The following LOC128125817 variants were observed in gnomAD, a reference collection of about 807,000 sequenced individuals.
At chr1:41,595,620 T>G in the LOC128125817 span, among the ~76,000 whole-genome samples, 399 of 152,316 alleles carry the variant, frequency 2.6e-3, 7 homozygotes, top group South Asian at 0.044. Context: ...TCAACTTGAT[T>G]GGATTGAAGG....
At chr1:41,625,056 G>A in the LOC128125817 span, among the ~76,000 whole-genome samples, 1 of 149,376 alleles carries the variant, frequency 6.7e-6, no homozygotes. Context: ...CCAGCTATTT[G>A]GGAGGCTGAG....
the LOC128125817 span, among the ~76,000 whole-genome samples, chr1:41,609,568 CT>C: frequency 6.6e-6 from 1 of 152,262 alleles, no homozygotes; most frequent in Non-Finnish European, 1.5e-5. Flanking sequence ...CCACCCCATC[CT>C]CTAAGGTTGC....
chr1:41,609,763 C>T, the LOC128125817 span, among the ~76,000 whole-genome samples: 1 of 152,258 alleles, frequency 6.6e-6, no homozygotes, highest in Non-Finnish European at 1.5e-5. Context: ...CTGAAATGCC[C>T]TTTCCCTCCT....
chr1:41,623,346 C>T, the LOC128125817 span, among the ~76,000 whole-genome samples: 1 of 152,236 alleles, frequency 6.6e-6, no homozygotes, highest in African/African-American at 2.4e-5. Context: ...TCTCCCCACA[C>T]AGTGGCTCTG....
At chr1:41,622,076 C>A in the LOC128125817 span, among the ~76,000 whole-genome samples, 1 of 152,220 alleles carries the variant, frequency 6.6e-6, no homozygotes, top group Non-Finnish European at 1.5e-5. Context: ...GGCCAACCAT[C>A]CATCTTGCAG....
At chr1:41,596,296 G>T in the LOC128125817 span, among the ~76,000 whole-genome samples, 2 of 152,238 alleles carry the variant, frequency 1.3e-5, no homozygotes, top group Non-Finnish European at 2.9e-5. Context: ...GCTGCTGCTG[G>T]GCTGGGCCAT....
chr1:41,612,818 C>G, the LOC128125817 span, among the ~76,000 whole-genome samples: 27 of 152,264 alleles, frequency 1.8e-4, no homozygotes, highest in Admixed American at 1.6e-3. Context: ...GTGCCAGCCC[C>G]TGTCCCCTCC....
the LOC128125817 span, among the ~76,000 whole-genome samples, chr1:41,586,292 C>G: frequency 7.2e-5 from 11 of 152,200 alleles, no homozygotes; most frequent in Non-Finnish European, 1.5e-4. Flanking sequence ...GCCCTCCTCC[C>G]CAGGAACAGG....
the LOC128125817 span, among the ~76,000 whole-genome samples, chr1:41,592,963 C>CT: frequency 6.6e-6 from 1 of 152,206 alleles, no homozygotes; most frequent in Non-Finnish European, 1.5e-5. Context: ...CTCTCTTGGG[C>CT]TGTCACCACC....
At chr1:41,620,189 T>G in the LOC128125817 span, among the ~76,000 whole-genome samples, 1 of 152,296 alleles carries the variant, frequency 6.6e-6, no homozygotes, top group Non-Finnish European at 1.5e-5. Context: ...GCAGGGCTTG[T>G]CCTGACAGGT....
At chr1:41,596,008 A>AG in the LOC128125817 span, among the ~76,000 whole-genome samples, 3 of 152,014 alleles carry the variant, frequency 2.0e-5, 1 homozygote, top group Middle Eastern at 0.01. Context: ...GACTAATACA[A>AG]GGTTCAATGT....
the LOC128125817 span, among the ~76,000 whole-genome samples, chr1:41,607,781 A>G: frequency 2.6e-5 from 4 of 152,212 alleles, no homozygotes; most frequent in African/African-American, 9.6e-5. Flanking sequence ...CTTAGACGAG[A>G]CAGTTTATTT....
At chr1:41,610,911 C>T in the LOC128125817 span, among the ~76,000 whole-genome samples, 1 of 152,176 alleles carries the variant, frequency 6.6e-6, no homozygotes, top group African/African-American at 2.4e-5. Flanking sequence ...CCCCCAAGCT[C>T]CCACTCTGTG....
the LOC128125817 span, among the ~76,000 whole-genome samples, chr1:41,618,536 G>A: frequency 1.3e-5 from 2 of 152,092 alleles, no homozygotes; most frequent in Non-Finnish European, 2.9e-5. Context: ...CCATCCTCGG[G>A]CACCACTCAT....
chr1:41,614,661 A>C, the LOC128125817 span, among the ~76,000 whole-genome samples: 1 of 152,236 alleles, frequency 6.6e-6, no homozygotes, highest in Non-Finnish European at 1.5e-5. Context: ...CACAAATTTA[A>C]AATGAAAAAT....
At chr1:41,610,111 G>T in the LOC128125817 span, among the ~76,000 whole-genome samples, 1 of 152,050 alleles carries the variant, frequency 6.6e-6, no homozygotes, top group Non-Finnish European at 1.5e-5. Flanking sequence ...GCAGATTTTG[G>T]ACTTGAAAAG....
At chr1:41,618,736 C>T in the LOC128125817 span, among the ~76,000 whole-genome samples, 7 of 152,208 alleles carry the variant, frequency 4.6e-5, no homozygotes, top group African/African-American at 1.7e-4. Flanking sequence ...AGTTATCTAT[C>T]CACCTGGCCC....
chr1:41,618,176 G>A, the LOC128125817 span, among the ~76,000 whole-genome samples: 58 of 152,352 alleles, frequency 3.8e-4, no homozygotes, highest in Admixed American at 3.6e-3. Flanking sequence ...GGAAGGGAGG[G>A]CTGTTTGTTC....
chr1:41,620,198 G>A, the LOC128125817 span, among the ~76,000 whole-genome samples: 93,489 of 152,056 alleles, frequency 0.61, 29,237 homozygotes, highest in African/African-American at 0.74. Context: ...GTCCTGACAG[G>A]TGGCACAGGT....
Sources: gnomAD v4.1 joint callset for allele counts (sites outside exome capture counted in the v4.1 genomes callset) on GRCh38, gnomAD v4.1.1 for gene constraint, MANE v1.5 for transcripts.